The following ETV6 variants were observed in gnomAD, a reference collection of about 807,000 sequenced individuals.
ETV6 encodes the protein ETS variant transcription factor 6.
In ETV6, 16 loss-of-function variants were observed where a neutral mutation model predicts 51.1. That is an observed-to-expected ratio of 0.31 (90% CI 0.21 to 0.48). The LOEUF (loss-of-function observed/expected upper bound fraction) is 0.48. Ranked by LOEUF, ETV6 falls within the 20% of genes least tolerant of loss-of-function variation. The pLI, the probability that ETV6 is intolerant of heterozygous loss-of-function variation, is 0.99. For missense variants in ETV6, 458 were observed against 594.8 expected (o/e 0.77, Z 2.39); for synonymous variants, 240 against 224.1 (o/e 1.07, Z -0.64).
chr12:11,718,624 ATTAG>A (rs1055992758), intron 1 of ETV6, among the ~76,000 whole-genome samples: 4 of 150,272 alleles, frequency 2.7e-5, no homozygotes, highest in East Asian at 1.9e-4. Flanking sequence ...AAAAAAAAAA[ATTAG>A]TTGGGCATGG....
intron 1 of ETV6, among the ~76,000 whole-genome samples, chr12:11,730,880 C>A (rs1429770959): frequency 2.0e-5 from 3 of 152,170 alleles, no homozygotes; most frequent in African/African-American, 7.2e-5. Context: ...CAGAGACACA[C>A]GTTTCCCAAA....
intron 4 of ETV6, among the ~76,000 whole-genome samples, chr12:11,858,821 C>T (rs1010497438): frequency 8.0e-6 from 1 of 124,850 alleles, no homozygotes; most frequent in Admixed American, 7.6e-5. Context: ...ACATGGAAAT[C>T]GCAAGTGATG....
At chr12:11,711,134 C>T (rs1355092671) in intron 1 of ETV6, among the ~76,000 whole-genome samples, 13 of 152,304 alleles carry the variant, frequency 8.5e-5, no homozygotes, top group South Asian at 2.1e-4. Flanking sequence ...CATGGAAGGT[C>T]TTTGCCTATT....
intron 1 of ETV6, among the ~76,000 whole-genome samples, chr12:11,719,437 A>T (rs982162153): frequency 6.6e-6 from 1 of 152,140 alleles, no homozygotes; most frequent in Non-Finnish European, 1.5e-5. Flanking sequence ...ACATCAGGAG[A>T]TTTTCTTCCC....
chr12:11,670,579 T>C (rs1864294042), intron 1 of ETV6, among the ~76,000 whole-genome samples: 1 of 152,164 alleles, frequency 6.6e-6, no homozygotes, highest in African/African-American at 2.4e-5. Flanking sequence ...ATGGAAGGGA[T>C]TGAGGAAATT....
chr12:11,735,529 G>A (rs1241823234), intron 1 of ETV6, among the ~76,000 whole-genome samples: 1 of 152,192 alleles, frequency 6.6e-6, no homozygotes, highest in Non-Finnish European at 1.5e-5. Context: ...TCAAAGAAAA[G>A]ACCTAGACTT....
At chr12:11,662,131 A>G (rs762972569) in intron 1 of ETV6, among the ~76,000 whole-genome samples, 2 of 152,190 alleles carry the variant, frequency 1.3e-5, no homozygotes, top group Non-Finnish European at 2.9e-5. Flanking sequence ...TTTTGAAGCC[A>G]TCTACCCTTA....
At chr12:11,733,420 A>G in intron 1 of ETV6, among the ~76,000 whole-genome samples, 1 of 150,414 alleles carries the variant, frequency 6.6e-6, no homozygotes, top group Non-Finnish European at 1.5e-5. Context: ...AAAAAAAAAA[A>G]AAAAAAAAAA....
intron 2 of ETV6, among the ~76,000 whole-genome samples, chr12:11,816,284 A>T (rs1288168233): frequency 6.6e-6 from 1 of 152,184 alleles, no homozygotes; most frequent in East Asian, 1.9e-4. Context: ...TCTCGCTGTC[A>T]CCCAGGCTGG....
intron 1 of ETV6, among the ~76,000 whole-genome samples, chr12:11,653,416 T>G (rs915256395): frequency 2.6e-5 from 4 of 152,188 alleles, no homozygotes; most frequent in Admixed American, 2.6e-4. Flanking sequence ...AGTCCCCTCC[T>G]TCCCTGCTGT....
intron 1 of ETV6, among the ~76,000 whole-genome samples, chr12:11,749,003 T>C (rs1486826487): frequency 3.9e-5 from 6 of 152,202 alleles, no homozygotes; most frequent in South Asian, 2.1e-4. Context: ...CTTGACAACC[T>C]GCTCATAGGT....
chr12:11,893,147 G>A lies in ETV6; in HGVS notation c.*2101G>A. The A allele has an allele frequency of 4.3e-6, 1 of 232,876 alleles. No homozygotes were observed. Among genetic ancestry groups the A allele is most frequent in the Non-Finnish European group, 8.5e-6 (1 of 117,820 alleles). The allele number at this position is 232,876 out of a possible 1,614,324, so 14.4% of individuals were successfully genotyped here. On this transcript the variant is annotated 3_prime_UTR_variant, in exon 8 of 8. Transcript: ENST00000396373. ...TGATCCCTATTTCAGCCTCTAAGAT[G>A]ACTGGTATTCTATCTGAAATGCAGA...
intron 2 of ETV6, among the ~76,000 whole-genome samples, chr12:11,818,792 AC>A (rs886533247): frequency 1.3e-5 from 2 of 151,726 alleles, no homozygotes; most frequent in African/African-American, 4.8e-5. Flanking sequence ...AGTCCCTCCT[AC>A]CCCTGCAGCC....
intron 2 of ETV6, among the ~76,000 whole-genome samples, chr12:11,766,484 C>T (rs543513577): frequency 7.6e-4 from 115 of 152,258 alleles, no homozygotes; most frequent in African/African-American, 2.6e-3. Context: ...GGATTATATC[C>T]GTCCCCCCAC....
At chr12:11,859,150 T>TGAGAAGGAG (rs1946677427) in intron 4 of ETV6, among the ~76,000 whole-genome samples, 1 of 46,922 alleles carries the variant, frequency 2.1e-5, no homozygotes, top group African/African-American at 6.0e-5. Flanking sequence ...TTTTTTTTTT[T>TGAGAAGGAG]TTTTTTTTTG....
intron 1 of ETV6, among the ~76,000 whole-genome samples, chr12:11,672,357 A>G (rs2724649): frequency 0.91 from 139,068 of 152,166 alleles, 64,442 homozygotes; most frequent in Non-Finnish European, 0.99. Flanking sequence ...CTATCTGCTC[A>G]CACTTAGATT....
At chr12:11,876,257 T>C (rs1190832847) in intron 5 of ETV6, among the ~76,000 whole-genome samples, 1 of 152,214 alleles carries the variant, frequency 6.6e-6, no homozygotes, top group African/African-American at 2.4e-5. Context: ...AACGATTTAT[T>C]TGCACTTTGG....
rs181509838 is a variant in ETV6, at chr12:11,895,005, G to T, written c.*3959G>T. 219 of 233,712 alleles carry T rather than the reference G, an allele frequency of 9.4e-4. No homozygotes were observed. The highest frequency in any genetic ancestry group is 5.1e-3 in the Middle Eastern group (4 of 786). The allele number at this position is 233,712 out of a possible 1,614,324, so 14.5% of individuals were successfully genotyped here. ...AAGGCTGTGACACAAGGAAGCCAGT[G>T]GGGTGGGAGGGAGGCACCATAATCC... On this transcript the variant is annotated 3_prime_UTR_variant, in exon 8 of 8. Coordinates refer to ENST00000396373, the MANE Select transcript of ETV6 (RefSeq NM_001987.5).
At chr12:11,736,696 A>T (rs879323339) in intron 1 of ETV6, among the ~76,000 whole-genome samples, 1 of 152,236 alleles carries the variant, frequency 6.6e-6, no homozygotes, top group Non-Finnish European at 1.5e-5. Context: ...AACACAAGTC[A>T]CAGAACTGGG....
Sources: allele counts gnomAD v4.1 joint callset (sites outside exome capture counted in the v4.1 genomes callset), GRCh38; gene constraint gnomAD v4.1.1; transcripts MANE v1.5; gene names NCBI Gene and HGNC (gene_info 2026-07-23, HGNC 2026-07-21).